The following SPOCK1 variants were observed in gnomAD, a reference collection of about 807,000 sequenced individuals.
SPOCK1 encodes the protein testican-1.
In SPOCK1, 23 loss-of-function variants were observed where a neutral mutation model predicts 55.3. That is an observed-to-expected ratio of 0.42 (90% CI 0.30 to 0.59). The LOEUF is 0.59. Among genes scored for constraint, SPOCK1 ranks in the 20% least tolerant of loss-of-function variants. The pLI, the probability that SPOCK1 is intolerant of heterozygous loss-of-function variation, is 0.22. For synonymous variants in SPOCK1, 226 were observed against 221.0 expected (o/e 1.02, Z -0.20); for missense variants, 499 against 552.5 (o/e 0.90, Z 0.97).
chr5:137,091,416 T>G lies in SPOCK1; in HGVS notation c.474+21019A>C, dbSNP rs528936916. On this transcript the variant is annotated intron_variant, in intron 5 of 10. Coordinates refer to ENST00000394945, the MANE Select transcript of SPOCK1 (RefSeq NM_004598.4). The stretch of plus-strand genomic sequence containing the variant: ...GAAGCTGAGACACTATCCTTCATCA[T>G]GATATCAATGCCAGGCAGCATTCCC... 2.0e-5 allele frequency among the ~76,000 whole-genome samples: 3 copies of G among 152,334 alleles called. No homozygotes were observed. In the South Asian group the frequency reaches 6.2e-4, roughly 32 times the overall value.
At chr5:137,228,494 T>C (rs188585442) in intron 3 of SPOCK1, among the ~76,000 whole-genome samples, 2 of 152,100 alleles carry the variant, frequency 1.3e-5, no homozygotes, top group Admixed American at 1.3e-4. Context: ...TACAAAAAAT[T>C]TAGCTGGGTG....
chr5:137,198,964 C>T (rs989989794), intron 3 of SPOCK1, among the ~76,000 whole-genome samples: 3 of 152,186 alleles, frequency 2.0e-5, no homozygotes, highest in African/African-American at 7.2e-5. Context: ...CAAAATCTCC[C>T]AGCACCATCA....
intron 3 of SPOCK1, among the ~76,000 whole-genome samples, chr5:137,209,532 T>A (rs1424978382): frequency 6.6e-6 from 1 of 152,208 alleles, no homozygotes; most frequent in African/African-American, 2.4e-5. Context: ...AATAATTTGT[T>A]GAGCCAAGAA....
intron 3 of SPOCK1, among the ~76,000 whole-genome samples, chr5:137,228,675 C>A (rs753505380): frequency 5.9e-5 from 9 of 152,072 alleles, no homozygotes; most frequent in Non-Finnish European, 1.3e-4. Flanking sequence ...CAAAAAAAAC[C>A]TAATCATCTT....
intron 2 of SPOCK1, among the ~76,000 whole-genome samples, chr5:137,375,039 A>G (rs1751283576): frequency 6.6e-6 from 1 of 151,992 alleles, no homozygotes; most frequent in African/African-American, 2.4e-5. Context: ...CTATGAATGG[A>G]CTCTATATGA....
intron 3 of SPOCK1, among the ~76,000 whole-genome samples, chr5:137,196,186 C>T (rs960618680): frequency 6.6e-6 from 1 of 152,174 alleles, no homozygotes; most frequent in Non-Finnish European, 1.5e-5. Context: ...CCACCATCTC[C>T]AGCACCAGCT....
chr5:137,261,566 A>T (rs1756743499), intron 3 of SPOCK1, among the ~76,000 whole-genome samples: 1 of 151,856 alleles, frequency 6.6e-6, no homozygotes, highest in African/African-American at 2.4e-5. Flanking sequence ...GGGGCCCCTG[A>T]CTCTTTGAGT....
intron 2 of SPOCK1, among the ~76,000 whole-genome samples, chr5:137,320,645 G>C (rs1168651858): frequency 6.6e-6 from 1 of 152,182 alleles, no homozygotes; most frequent in Non-Finnish European, 1.5e-5. Context: ...GAGGCTACAA[G>C]CGCCTGAAAA....
intron 2 of SPOCK1, among the ~76,000 whole-genome samples, chr5:137,307,516 G>A (rs1478883901): frequency 6.6e-6 from 1 of 152,050 alleles, no homozygotes. Flanking sequence ...TTGTGTTCTG[G>A]TCCATGGTTT....
intron 6 of SPOCK1, among the ~76,000 whole-genome samples, chr5:136,999,141 T>C (rs770719079): frequency 6.6e-6 from 1 of 152,076 alleles, no homozygotes. Flanking sequence ...GAGTGCAGCA[T>C]GAGGAACGCA....
intron 6 of SPOCK1, among the ~76,000 whole-genome samples, chr5:137,024,314 A>AGTGG (rs1554093472): frequency 1.8e-4 from 21 of 119,192 alleles, no homozygotes; most frequent in African/African-American, 6.7e-4. Context: ...ACCAGTTTGA[A>AGTGG]GGGGGGGGGG....
intron 6 of SPOCK1, among the ~76,000 whole-genome samples, chr5:137,054,437 C>A (rs1752265369): frequency 1.3e-5 from 2 of 152,184 alleles, no homozygotes; most frequent in African/African-American, 4.8e-5. Flanking sequence ...GAGTTAGGCT[C>A]ATGGAAGGTC....
intron 2 of SPOCK1, among the ~76,000 whole-genome samples, chr5:137,344,845 C>T (rs933661163): frequency 7.9e-5 from 12 of 152,170 alleles, no homozygotes; most frequent in African/African-American, 2.9e-4. Context: ...AGACTGTTCC[C>T]CATTCCCCAA....
At chr5:137,172,358 A>G (rs571459167) in intron 3 of SPOCK1, among the ~76,000 whole-genome samples, 1 of 152,268 alleles carries the variant, frequency 6.6e-6, no homozygotes, top group African/African-American at 2.4e-5. Context: ...ACTTGGGTCT[A>G]TCTCTCCATT....
chr5:137,406,225 A>G (rs1752095429), intron 2 of SPOCK1, among the ~76,000 whole-genome samples: 1 of 152,216 alleles, frequency 6.6e-6, no homozygotes, highest in Non-Finnish European at 1.5e-5. Context: ...ACCTAGGGAC[A>G]CATAAAAGTG....
At chr5:137,337,570 A>C (rs1427530238) in intron 2 of SPOCK1, among the ~76,000 whole-genome samples, 1 of 152,172 alleles carries the variant, frequency 6.6e-6, no homozygotes, top group Non-Finnish European at 1.5e-5. Flanking sequence ...AAAGACACCT[A>C]ATAACTCAAG....
intron 3 of SPOCK1, among the ~76,000 whole-genome samples, chr5:137,152,867 C>A (rs903830719): frequency 9.2e-5 from 14 of 152,282 alleles, no homozygotes; most frequent in African/African-American, 3.1e-4. Context: ...CTGCACTGCT[C>A]AATACAAAAT....
intron 6 of SPOCK1, among the ~76,000 whole-genome samples, chr5:137,041,200 AT>A (rs1035178148): frequency 6.6e-6 from 1 of 152,074 alleles, no homozygotes; most frequent in African/African-American, 2.4e-5. Flanking sequence ...TAGCCAACTG[AT>A]TTTTTTTAAA....
intron 9 of SPOCK1, among the ~76,000 whole-genome samples, chr5:136,982,130 A>G (rs1750744166): frequency 6.6e-6 from 1 of 152,300 alleles, no homozygotes; most frequent in South Asian, 2.1e-4. Context: ...TGTTTACACA[A>G]TGACAAAGTC....
Sources: gnomAD v4.1 joint callset for allele counts (sites outside exome capture counted in the v4.1 genomes callset) on GRCh38, gnomAD v4.1.1 for gene constraint, MANE v1.5 for transcripts, NCBI Gene and HGNC (gene_info 2026-07-23, HGNC 2026-07-21) for gene names.